Variants in ANKS1B observed in about 807,000 individuals in gnomAD.
ANKS1B encodes ankyrin repeat and sterile alpha motif domain containing 1B.
A neutral mutation model predicts 148.3 loss-of-function variants in ANKS1B; 36 were observed. The ratio of observed to expected loss-of-function variants is 0.24; its 90% CI spans 0.19 to 0.32. ANKS1B has a LOEUF of 0.32. Among genes scored for constraint, ANKS1B ranks in the 10% least tolerant of loss-of-function variants. The pLI, the probability that ANKS1B is intolerant of heterozygous loss-of-function variation, is 1.00. For missense variants in ANKS1B, 1,157 were observed against 1,542.6 expected (o/e 0.75, Z 4.19); for synonymous variants, 542 against 560.8 (o/e 0.97, Z 0.47).
At chr12:99,890,774 T>C (rs1226405056) in intron 1 of ANKS1B, among the ~76,000 whole-genome samples, 1 of 152,132 alleles carries the variant, frequency 6.6e-6, no homozygotes, top group Non-Finnish European at 1.5e-5. Context: ...ATAAGCAAGC[T>C]ATAAAGAGAA....
chr12:99,472,087 C>G (rs2096250901), intron 10 of ANKS1B, among the ~76,000 whole-genome samples: 1 of 152,072 alleles, frequency 6.6e-6, no homozygotes, highest in South Asian at 2.1e-4. Context: ...ATTACATAAA[C>G]CTAACCACCA....
At chr12:99,975,146 T>C (rs1383534953) in intron 1 of ANKS1B, among the ~76,000 whole-genome samples, 1 of 60,308 alleles carries the variant, frequency 1.7e-5, no homozygotes, top group Non-Finnish European at 2.8e-5. Context: ...GAGTGAGAAC[T>C]TGTCTCCAAA....
intron 9 of ANKS1B, among the ~76,000 whole-genome samples, chr12:99,587,019 AG>A (rs1414979472): frequency 6.6e-6 from 1 of 152,148 alleles, no homozygotes; most frequent in Non-Finnish European, 1.5e-5. Context: ...TGCTACTAAG[AG>A]GATTTTGATT....
intron 12 of ANKS1B, among the ~76,000 whole-genome samples, chr12:99,325,171 C>A (rs146472003): frequency 6.6e-6 from 1 of 152,054 alleles, no homozygotes; most frequent in Non-Finnish European, 1.5e-5. Context: ...CATGAATTTC[C>A]AATTTTTTAC....
At chr12:99,429,824 C>T (rs908396648) in intron 11 of ANKS1B, among the ~76,000 whole-genome samples, 1 of 151,928 alleles carries the variant, frequency 6.6e-6, no homozygotes, top group Non-Finnish European at 1.5e-5. Flanking sequence ...ATTAGCCGGG[C>T]GTGGTGGCAG....
chr12:98,903,280 C>A (rs1341941333), intron 17 of ANKS1B, among the ~76,000 whole-genome samples: 1 of 152,048 alleles, frequency 6.6e-6, no homozygotes. Context: ...GGGGACCCAA[C>A]TCTCCCACAC....
chr12:99,221,066 G>A (rs1259238125), intron 14 of ANKS1B, among the ~76,000 whole-genome samples: 2 of 152,138 alleles, frequency 1.3e-5, no homozygotes, highest in Non-Finnish European at 2.9e-5. Flanking sequence ...GTGGCCGGGT[G>A]CGGTGGCTCA....
At chr12:99,647,413 T>A (rs1208435176) in intron 9 of ANKS1B, among the ~76,000 whole-genome samples, 5 of 152,230 alleles carry the variant, frequency 3.3e-5, no homozygotes, top group Non-Finnish European at 7.3e-5. Context: ...GTTTACCAAT[T>A]TATCCAATTC....
At chr12:98,849,704 A>G (rs1167933229) in intron 17 of ANKS1B, among the ~76,000 whole-genome samples, 1 of 152,154 alleles carries the variant, frequency 6.6e-6, no homozygotes, top group East Asian at 1.9e-4. Context: ...GTACACTGCT[A>G]TTTGCAAAAT....
rs547349737 is a variant in ANKS1B, at chr12:99,350,339, AT to A, written c.1756+49291del. 2.3e-3 allele frequency among the ~76,000 whole-genome samples: 352 copies of A among 151,896 alleles called. 3 individuals are homozygous for A. The highest frequency in any genetic ancestry group is 2.4e-3 in the Non-Finnish European group (163 of 67,898). On this transcript the variant is annotated intron_variant, in intron 12 of 26. Coordinates refer to ENST00000683438, the MANE Select transcript of ANKS1B (RefSeq NM_001352186.2). ...CTTTGTAAATTATACAGGCTCAGGT[AT>A]TTTTTTTATAGCCGTGCAAGAGTGG...
intron 17 of ANKS1B, chr12:98,894,863 G>GC (rs1370672898): frequency 8.2e-6 from 8 of 979,494 alleles, no homozygotes; most frequent in Non-Finnish European, 9.7e-6. Flanking sequence ...GGCTCTCCCC[G>GC]CGAGCTCCCC....
At chr12:98,814,945 T>C (rs1159459785) in intron 19 of ANKS1B, among the ~76,000 whole-genome samples, 2 of 152,260 alleles carry the variant, frequency 1.3e-5, no homozygotes, top group East Asian at 3.8e-4. Context: ...TGTCTCGCTC[T>C]TGTTACCGTC....
chr12:99,811,824 CATT>C (rs940879868), intron 3 of ANKS1B, among the ~76,000 whole-genome samples: 2 of 151,810 alleles, frequency 1.3e-5, no homozygotes, highest in Non-Finnish European at 2.9e-5. Context: ...TATTAAGAAA[CATT>C]GTAATTCTCA....
intron 11 of ANKS1B, among the ~76,000 whole-genome samples, chr12:99,416,368 C>T (rs921952142): frequency 5.9e-5 from 9 of 152,184 alleles, no homozygotes; most frequent in African/African-American, 2.2e-4. Context: ...GATAAATTCC[C>T]AGAAGTACAA....
At chr12:99,025,229 T>G (rs1389176825) in intron 17 of ANKS1B, among the ~76,000 whole-genome samples, 1 of 152,220 alleles carries the variant, frequency 6.6e-6, no homozygotes, top group Non-Finnish European at 1.5e-5. Flanking sequence ...TTTTAAAATG[T>G]AAATGATTAG....
chr12:99,652,317 A>G (rs2098425655), intron 9 of ANKS1B, among the ~76,000 whole-genome samples: 1 of 152,160 alleles, frequency 6.6e-6, no homozygotes, highest in South Asian at 2.1e-4. Context: ...TACTAAAAAC[A>G]CAAAAATTAG....
At chr12:98,962,956 A>G (rs1419072965) in intron 17 of ANKS1B, among the ~76,000 whole-genome samples, 1 of 152,184 alleles carries the variant, frequency 6.6e-6, no homozygotes, top group Non-Finnish European at 1.5e-5. Flanking sequence ...AGTACTAAAG[A>G]GAAGTTTATA....
intron 12 of ANKS1B, among the ~76,000 whole-genome samples, chr12:99,284,357 A>G (rs1054049726): frequency 1.3e-5 from 2 of 152,220 alleles, no homozygotes; most frequent in East Asian, 1.9e-4. Context: ...TGCTCAAAGT[A>G]GAGAAACAAG....
intron 11 of ANKS1B, among the ~76,000 whole-genome samples, chr12:99,426,978 T>TATCTC (rs768240316): frequency 7.9e-5 from 12 of 152,188 alleles, no homozygotes; most frequent in Non-Finnish European, 1.5e-4. Flanking sequence ...TCGTAACCTG[T>TATCTC]ATCTCCTAAA....
Sources: gnomAD v4.1 joint callset for allele counts (sites outside exome capture counted in the v4.1 genomes callset) on GRCh38, gnomAD v4.1.1 for gene constraint, MANE v1.5 for transcripts, NCBI Gene and HGNC (gene_info 2026-07-23, HGNC 2026-07-21) for gene names.